ADARB2: variants seen among roughly 807,000 people sequenced by gnomAD.
ADARB2 encodes the protein inactive double-stranded RNA-specific editase B2.
In ADARB2, 25 loss-of-function variants were observed where a neutral mutation model predicts 62.2. The ratio of observed to expected loss-of-function variants is 0.40; its 90% CI spans 0.29 to 0.56. The LOEUF (loss-of-function observed/expected upper bound fraction) is 0.56. Ranked by LOEUF, ADARB2 falls within the 20% of genes least tolerant of loss-of-function variation. ADARB2 has a pLI of 0.43. For synonymous variants in ADARB2, 572 were observed against 500.8 expected (o/e 1.14, Z -1.90); for missense variants, 1,071 against 1,077.4 (o/e 0.99, Z 0.08).
chr10:1,187,309 T>A (rs1836773172), intron 8 of ADARB2, among the ~76,000 whole-genome samples: 1 of 152,170 alleles, frequency 6.6e-6, no homozygotes, highest in Admixed American at 6.5e-5. Flanking sequence ...AGGCAGTCAC[T>A]ACCCTGATCT....
intron 1 of ADARB2, among the ~76,000 whole-genome samples, chr10:1,699,437 C>G (rs1263730331): frequency 1.8e-5 from 1 of 54,760 alleles, no homozygotes; most frequent in Admixed American, 2.1e-4. Flanking sequence ...ACCGGGAGAC[C>G]GGGCACTCGC....
rs78316764 is a variant in ADARB2, at chr10:1,670,016, G to A, written c.100+67035C>T. ...AACCATTCACGTGTGGGTACAGGGC[G>A]TCTGTGAGTCTCACACTTGACCGTG... is the stretch of plus-strand genomic sequence containing the variant. On this transcript the variant is annotated intron_variant, in intron 1 of 9. Transcript: ENST00000381312. 3.4e-3 allele frequency among the ~76,000 whole-genome samples: 515 copies of A among 152,328 alleles called. 4 individuals are homozygous for A. The highest frequency in any genetic ancestry group is 0.012 in the African/African-American group (487 of 41,566).
chr10:1,483,405 C>T (rs570305098), intron 1 of ADARB2, among the ~76,000 whole-genome samples: 7 of 152,326 alleles, frequency 4.6e-5, no homozygotes, highest in Non-Finnish European at 7.3e-5. Context: ...GAATCCTGAA[C>T]GACAACTTTA....
rs1453894971 is a variant in ADARB2 at position 1,183,062 on chromosome 10, C to T, written c.*131G>A. On this transcript the variant is annotated 3_prime_UTR_variant, in exon 10 of 10. Transcript: ENST00000381312. Reference sequence around the variant, plus strand: ...TGTGTTGTTGCTCGTCCAAACATTGCACACTCGCGTGTTTCTGGGACACCA... The same window carrying T: ...TGTGTTGTTGCTCGTCCAAACATTGTACACTCGCGTGTTTCTGGGACACCA... 10 of 1,031,916 alleles carry T rather than the reference C, an allele frequency of 9.7e-6. No homozygotes were observed. The highest frequency in any genetic ancestry group is 4.8e-5 in the African/African-American group (3 of 61,900). The allele number at this position is 1,031,916 out of a possible 1,614,324, so 63.9% of individuals were successfully genotyped here.
At chr10:1,368,328 A>G (rs11250469) in intron 2 of ADARB2, among the ~76,000 whole-genome samples, 71,079 of 152,028 alleles carry the variant, frequency 0.47, 17,550 homozygotes, top group East Asian at 0.73. Context: ...GTCGGCCGTG[A>G]GGGAACATGG....
intron 6 of ADARB2, among the ~76,000 whole-genome samples, chr10:1,230,771 C>G (rs907263718): frequency 3.9e-5 from 6 of 152,154 alleles, no homozygotes; most frequent in South Asian, 2.1e-4. Flanking sequence ...TCTCCACGCT[C>G]TCCAGATGGG....
chr10:1,616,598 A>G (rs2132024105), intron 1 of ADARB2, among the ~76,000 whole-genome samples: 1 of 141,726 alleles, frequency 7.1e-6, no homozygotes, highest in South Asian at 2.3e-4. Context: ...GCATCCTGGG[A>G]ACTGGCCTCA....
chr10:1,312,297 G>A (rs1183017503), intron 3 of ADARB2, among the ~76,000 whole-genome samples: 1 of 152,150 alleles, frequency 6.6e-6, no homozygotes, highest in Non-Finnish European at 1.5e-5. Flanking sequence ...GGAAGAAAGG[G>A]CAACAGCCAT....
chr10:1,569,582 T>C (rs1832908535), intron 1 of ADARB2, among the ~76,000 whole-genome samples: 1 of 152,246 alleles, frequency 6.6e-6, no homozygotes, highest in Non-Finnish European at 1.5e-5. Flanking sequence ...TCTGATGAGC[T>C]GCAGAGGAGG....
chr10:1,332,523 T>C (rs1448833279), intron 3 of ADARB2, among the ~76,000 whole-genome samples: 1 of 151,466 alleles, frequency 6.6e-6, no homozygotes, highest in Non-Finnish European at 1.5e-5. Flanking sequence ...AAATATCTTT[T>C]GTTGATTAAA....
chr10:1,368,361 G>T (rs1176358781), intron 2 of ADARB2, among the ~76,000 whole-genome samples: 3 of 152,184 alleles, frequency 2.0e-5, no homozygotes, highest in Admixed American at 6.5e-5. Context: ...AAACACAGCA[G>T]GGAAATGGTG....
chr10:1,733,152 C>A lies in ADARB2; in HGVS notation c.100+3899G>T, dbSNP rs537784297. On this transcript the variant is annotated intron_variant, in intron 1 of 9. Transcript: ENST00000381312. ...TGCGGATCCTGCATGGCCAGTCACC[C>A]CTGAAGCCCCTTCCCCTTTCCACTC... Among the ~76,000 whole-genome samples, 9 of 152,332 alleles carry A rather than the reference C, an allele frequency of 5.9e-5. No homozygotes were observed. In the South Asian group the frequency reaches 1.2e-3, roughly 21 times the overall value.
At chr10:1,573,219 G>T (rs1202544206) in intron 1 of ADARB2, among the ~76,000 whole-genome samples, 3 of 152,302 alleles carry the variant, frequency 2.0e-5, no homozygotes, top group Non-Finnish European at 4.4e-5. Flanking sequence ...GGGATGAGGG[G>T]CTCAGTGAGC....
intron 4 of ADARB2, among the ~76,000 whole-genome samples, chr10:1,249,125 G>A (rs1831013370): frequency 6.6e-6 from 1 of 152,190 alleles, no homozygotes; most frequent in Admixed American, 6.5e-5. Flanking sequence ...GCTTATTTCT[G>A]AAATGTGATA....
At chr10:1,211,795 A>G (rs751111348) in intron 7 of ADARB2, among the ~76,000 whole-genome samples, 3 of 152,244 alleles carry the variant, frequency 2.0e-5, no homozygotes, top group Non-Finnish European at 2.9e-5. Flanking sequence ...CACAGATATA[A>G]GAGGTGTAAA....
At chr10:1,264,386 C>T (rs111387008) in intron 4 of ADARB2, among the ~76,000 whole-genome samples, 2 of 152,200 alleles carry the variant, frequency 1.3e-5, no homozygotes, top group African/African-American at 2.4e-5. Flanking sequence ...TCCTTATACT[C>T]CGCTTCTCTT....
intron 1 of ADARB2, among the ~76,000 whole-genome samples, chr10:1,455,980 C>T (rs1468120706): frequency 2.0e-5 from 3 of 152,158 alleles, no homozygotes; most frequent in Admixed American, 2.0e-4. Context: ...CGAACTCATG[C>T]ATAGAAGAGT....
chr10:1,544,158 C>G (rs1832483730), intron 1 of ADARB2, among the ~76,000 whole-genome samples: 1 of 152,182 alleles, frequency 6.6e-6, no homozygotes, highest in South Asian at 2.1e-4. Context: ...TCATGAAACC[C>G]CATGCTCTTG....
intron 1 of ADARB2, among the ~76,000 whole-genome samples, chr10:1,694,260 A>G (rs1157848729): frequency 1.3e-5 from 2 of 152,264 alleles, no homozygotes; most frequent in Non-Finnish European, 1.5e-5. Flanking sequence ...CTTGCTGTGA[A>G]ATTCAAAGTT....
Sources: gnomAD v4.1 joint callset for allele counts (sites outside exome capture counted in the v4.1 genomes callset) on GRCh38, gnomAD v4.1.1 for gene constraint, MANE v1.5 for transcripts, NCBI Gene and HGNC (gene_info 2026-07-23, HGNC 2026-07-21) for gene names.